The following CNTN4 variants were observed in gnomAD, a reference collection of about 807,000 sequenced individuals.
The protein encoded by CNTN4 is contactin 4.
Under a neutral mutation model 122.5 loss-of-function variants are expected in CNTN4, and 77 were observed. The observed-to-expected ratio is 0.63, with a 90% confidence interval of 0.52 to 0.76. CNTN4 has a LOEUF of 0.76. CNTN4 is among the 30% of genes least tolerant of loss of function. The probability of loss-of-function intolerance (pLI) is 0.00; values close to 1 mark genes in which losing one functional copy is unlikely to be tolerated. For synonymous variants in CNTN4, 512 were observed against 447.0 expected, an observed-to-expected ratio of 1.15 and a Z score of -1.83; for missense variants, 1,256 against 1,259.1, an observed-to-expected ratio of 1.00 and a Z score of 0.04.
intron 13 of CNTN4, among the ~76,000 whole-genome samples, chr3:2,933,428 G>C (rs2094541963): frequency 6.6e-6 from 1 of 152,148 alleles, no homozygotes; most frequent in Non-Finnish European, 1.5e-5. Context: ...GTGGCCTTCT[G>C]TCATTGTGGG....
chr3:2,280,276 A>AG (rs1297365951), intron 2 of CNTN4, among the ~76,000 whole-genome samples: 1 of 152,158 alleles, frequency 6.6e-6, no homozygotes, highest in African/African-American at 2.4e-5. Flanking sequence ...GGCATTTATA[A>AG]GCATAGGTAT....
intron 4 of CNTN4, among the ~76,000 whole-genome samples, chr3:2,689,672 A>T (rs1367650905): frequency 1.3e-5 from 2 of 152,002 alleles, no homozygotes; most frequent in African/African-American, 4.8e-5. Context: ...AATGGAGCAA[A>T]CTCTCTGAAA....
chr3:3,017,893 G>C (rs1697917262), intron 14 of CNTN4, among the ~76,000 whole-genome samples: 1 of 152,192 alleles, frequency 6.6e-6, no homozygotes, highest in Non-Finnish European at 1.5e-5. Flanking sequence ...GGAACCACCT[G>C]AAAAGGACTT....
rs969860953 is a variant in CNTN4, at chr3:2,173,720, C to T, written c.-145+73081C>T. Among the ~76,000 whole-genome samples, 3 of 151,888 alleles carry T rather than the reference C, an allele frequency of 2.0e-5. No individual in the cohort carries two copies. In the South Asian group the frequency reaches 6.2e-4, roughly 31 times the overall value. On this transcript the variant is annotated intron_variant, in intron 2 of 24. Transcript: ENST00000418658. ...TGGTTCGACTTGAACACTATGATTC[C>T]TCATTTGTTAAATAGAAATAATAAT...
chr3:2,307,700 T>A (rs1260630879), intron 2 of CNTN4, among the ~76,000 whole-genome samples: 1 of 152,190 alleles, frequency 6.6e-6, no homozygotes, highest in Non-Finnish European at 1.5e-5. Context: ...CTTTATTGTA[T>A]TAATATGGTG....
At chr3:2,881,436 C>T (rs1442910450) in intron 8 of CNTN4, among the ~76,000 whole-genome samples, 1 of 151,924 alleles carries the variant, frequency 6.6e-6, no homozygotes, top group Non-Finnish European at 1.5e-5. Flanking sequence ...TTGCTTGAAC[C>T]CGGGAGGCGG....
chr3:2,218,710 T>C (rs968995894), intron 2 of CNTN4, among the ~76,000 whole-genome samples: 2 of 152,152 alleles, frequency 1.3e-5, no homozygotes, highest in Admixed American at 6.6e-5. Flanking sequence ...CTGATACAAA[T>C]GTGGAGTAAA....
At chr3:2,502,515 G>C (rs1300428451) in intron 3 of CNTN4, among the ~76,000 whole-genome samples, 1 of 152,118 alleles carries the variant, frequency 6.6e-6, no homozygotes, top group East Asian at 1.9e-4. Context: ...CAGGGCTCCT[G>C]TCTCTATGCC....
chr3:2,127,218 T>C (rs1474738614), intron 2 of CNTN4, among the ~76,000 whole-genome samples: 1 of 152,072 alleles, frequency 6.6e-6, no homozygotes, highest in African/African-American at 2.4e-5. Flanking sequence ...CTTTGTCGGG[T>C]TCCCATCACA....
At chr3:2,878,553 C>G (rs796388417) in intron 8 of CNTN4, among the ~76,000 whole-genome samples, 81 of 146,950 alleles carry the variant, frequency 5.5e-4, no homozygotes, top group Non-Finnish European at 7.5e-4. Flanking sequence ...GAGATGCTCT[C>G]TGTGTGTGTG....
intron 14 of CNTN4, among the ~76,000 whole-genome samples, chr3:3,018,174 TTTTAAGTAATGTC>T (rs1356984156): frequency 6.6e-6 from 1 of 152,222 alleles, no homozygotes; most frequent in Non-Finnish European, 1.5e-5. Context: ...CTAAATATAA[TTTTAAGTAATGTC>T]TTGCTCCTGA....
intron 6 of CNTN4, among the ~76,000 whole-genome samples, chr3:2,791,849 GC>G (rs1346491929): frequency 6.6e-6 from 1 of 152,084 alleles, no homozygotes; most frequent in Non-Finnish European, 1.5e-5. Flanking sequence ...CCCAGTTTCT[GC>G]CTCTGTCCTC....
intron 3 of CNTN4, among the ~76,000 whole-genome samples, chr3:2,477,631 A>G (rs1418251513): frequency 1.3e-5 from 2 of 152,340 alleles, no homozygotes; most frequent in South Asian, 4.1e-4. Flanking sequence ...TTTCTTATTC[A>G]CAGAATATAG....
chr3:2,926,383 T>C (rs902612915), intron 13 of CNTN4, among the ~76,000 whole-genome samples: 1 of 152,234 alleles, frequency 6.6e-6, no homozygotes, highest in African/African-American at 2.4e-5. Flanking sequence ...TTAGAATGCA[T>C]GTAGTGTATA....
At chr3:2,597,975 A>G (rs2080850821) in intron 4 of CNTN4, among the ~76,000 whole-genome samples, 1 of 152,158 alleles carries the variant, frequency 6.6e-6, no homozygotes, top group Admixed American at 6.5e-5. Context: ...GGCATCTATC[A>G]GTTTCTAACC....
intron 2 of CNTN4, among the ~76,000 whole-genome samples, chr3:2,314,147 T>A (rs1169001964): frequency 1.3e-5 from 2 of 151,988 alleles, no homozygotes; most frequent in Non-Finnish European, 2.9e-5. Flanking sequence ...TAACAAGAGA[T>A]GTCCAATTCT....
At chr3:2,536,792 C>T (rs1425299450) in intron 3 of CNTN4, among the ~76,000 whole-genome samples, 1 of 152,042 alleles carries the variant, frequency 6.6e-6, no homozygotes, top group Non-Finnish European at 1.5e-5. Flanking sequence ...ATAGTCTCTT[C>T]TTTCTGTACT....
At chr3:2,780,948 A>C (rs537454845) in intron 6 of CNTN4, among the ~76,000 whole-genome samples, 1 of 152,326 alleles carries the variant, frequency 6.6e-6, no homozygotes, top group South Asian at 2.1e-4. Context: ...ATTTTGTTCT[A>C]CATTTAAATA....
chr3:2,730,904 C>A (rs2088627662), intron 4 of CNTN4, among the ~76,000 whole-genome samples: 1 of 151,412 alleles, frequency 6.6e-6, no homozygotes, highest in Non-Finnish European at 1.5e-5. Flanking sequence ...TGGAAGTGGG[C>A]CAAATTAATT....
Sources: allele counts gnomAD v4.1 joint callset (sites outside exome capture counted in the v4.1 genomes callset), GRCh38; gene constraint gnomAD v4.1.1; transcripts MANE v1.5; gene names NCBI Gene and HGNC (gene_info 2026-07-23, HGNC 2026-07-21).